Variants in VPS37A observed in about 807,000 individuals in gnomAD.
The protein encoded by VPS37A is vacuolar protein sorting-associated protein 37A.
A neutral mutation model predicts 49.8 loss-of-function variants in VPS37A; 30 were observed. The ratio of observed to expected loss-of-function variants is 0.60; its 90% confidence interval spans 0.45 to 0.82. The LOEUF is 0.82. Among genes scored for constraint, VPS37A ranks in the 40% least tolerant of loss-of-function variants. The pLI is 0.00. For missense variants in VPS37A, 593 were observed against 464.4 expected, an observed-to-expected ratio of 1.28 and a Z score of -2.55; for synonymous variants, 195 against 160.6, an observed-to-expected ratio of 1.21 and a Z score of -1.62.
At chr8:17,285,281 T>C (rs1331349033) in intron 10 of VPS37A, among the ~76,000 whole-genome samples, 6 of 152,180 alleles carry the variant, frequency 3.9e-5, no homozygotes, top group Non-Finnish European at 8.8e-5. Context: ...TATCATTCTG[T>C]AATACAGCTG....
At chr8:17,331,365 C>CA in the VPS37A span, 1 of 1,371,614 alleles carries the variant, frequency 7.3e-7, no homozygotes, top group South Asian at 1.5e-5. Context: ...CATGGATACC[C>CA]AATCAAAGCA....
intron 9 of VPS37A, among the ~76,000 whole-genome samples, chr8:17,281,911 G>C (rs1475864162): frequency 6.6e-6 from 1 of 152,002 alleles, no homozygotes; most frequent in Non-Finnish European, 1.5e-5. Context: ...AGACTATTTA[G>C]AGCAGCATAG....
At chr8:17,321,585 T>A in the VPS37A span, among the ~76,000 whole-genome samples, 2 of 152,232 alleles carry the variant, frequency 1.3e-5, no homozygotes, top group Non-Finnish European at 2.9e-5. Context: ...CCAAAGCGAT[T>A]AGCGCCTGGA....
rs1026112991 is a variant in VPS37A, at chr8:17,282,115, A to T, written c.969+1672A>T. 2.0e-5 allele frequency among the ~76,000 whole-genome samples: 3 copies of T among 152,166 alleles called. No homozygotes were observed. In the Middle Eastern group the frequency reaches 0.01, roughly 518 times the overall value. ...GCTTGAACAAAAAGAAAAAATGAAA[A>T]AAACTCCCTTTCCCAGTATCAGAAT... On this transcript the variant is annotated intron_variant, in intron 9 of 11. Transcript: ENST00000324849.
intron 1 of VPS37A, chr8:17,247,885 GTC>G (rs1811472409): frequency 1.5e-6 from 1 of 653,402 alleles, no homozygotes; most frequent in African/African-American, 1.8e-5. Context: ...GTCTTCTTGA[GTC>G]TCTAAGATTT....
intron 9 of VPS37A, among the ~76,000 whole-genome samples, chr8:17,283,685 G>A (rs779192093): frequency 7.9e-5 from 12 of 152,110 alleles, no homozygotes; most frequent in Non-Finnish European, 1.6e-4. Flanking sequence ...TTTCTGGGCT[G>A]TCTATTCTGT....
At chr8:17,292,375 T>G (rs1214249154) in intron 11 of VPS37A, among the ~76,000 whole-genome samples, 1 of 152,190 alleles carries the variant, frequency 6.6e-6, no homozygotes, top group Non-Finnish European at 1.5e-5. Flanking sequence ...GCACATGAAA[T>G]GGGTTTCCTG....
chr8:17,327,917 C>T, the VPS37A span, among the ~76,000 whole-genome samples: 1 of 152,096 alleles, frequency 6.6e-6, no homozygotes, highest in Admixed American at 6.6e-5. Flanking sequence ...ACAGATAATA[C>T]CACATACTGC....
the VPS37A span, among the ~76,000 whole-genome samples, chr8:17,308,217 T>A: frequency 1.3e-5 from 2 of 152,102 alleles, no homozygotes; most frequent in African/African-American, 2.4e-5. Flanking sequence ...TTTTTCCTTA[T>A]CAAACAATTA....
At chr8:17,258,727 G>A (rs1027362233) in intron 1 of VPS37A, among the ~76,000 whole-genome samples, 1 of 152,056 alleles carries the variant, frequency 6.6e-6, no homozygotes, top group Non-Finnish European at 1.5e-5. Flanking sequence ...GAATTCACCA[G>A]CGAAGCTATC....
At chr8:17,301,653 A>T (rs1193233322), downstream of VPS37A, 1 of 154,446 alleles carries the variant, frequency 6.5e-6, no homozygotes, top group Non-Finnish European at 1.4e-5. Context: ...AAACAAAGTT[A>T]TCCAATTAGG....
At chr8:17,248,177 A>G (rs901552218) in intron 1 of VPS37A, 13 of 372,536 alleles carry the variant, frequency 3.5e-5, no homozygotes, top group African/African-American at 2.6e-4. Context: ...GCTTCTTTAT[A>G]TTTTATGCAT....
chr8:17,260,938 C>T (rs1812908242), intron 1 of VPS37A, among the ~76,000 whole-genome samples: 1 of 152,138 alleles, frequency 6.6e-6, no homozygotes, highest in African/African-American at 2.4e-5. Flanking sequence ...TGATTATATG[C>T]CTAGGAGTAG....
chr8:17,290,151 A>G (rs953904000), intron 11 of VPS37A, among the ~76,000 whole-genome samples: 1 of 152,200 alleles, frequency 6.6e-6, no homozygotes, highest in African/African-American at 2.4e-5. Context: ...GCAAACAGAG[A>G]AAAATTGACT....
intron 6 of VPS37A, among the ~76,000 whole-genome samples, chr8:17,279,528 G>A (rs936829515): frequency 6.6e-6 from 1 of 152,076 alleles, no homozygotes; most frequent in South Asian, 2.1e-4. Flanking sequence ...ATATCAGTAA[G>A]TCTGGTTCCT....
rs768226120 is a variant in VPS37A at position 17,268,345 on chromosome 8, G to T, written c.288G>T (p.Val96=). 9.9e-6 allele frequency: 16 copies of T among 1,611,984 alleles called. No homozygotes were observed. The South Asian group carries it at 1.6e-4, about 17-fold the overall frequency. ...ATCACTTAATGGATAAACAAGGAGT[G>T]TATGTTACCTCTCCATTAGTAAACA... ...IRHHLMDKQG[V]YVTSPLVNNF... is the part of the protein sequence containing the mutation. Residue 96 remains valine, a synonymous_variant, in exon 3 of 12, where the codon GTG becomes GTT. Coordinates refer to ENST00000324849, the MANE Select transcript of VPS37A (RefSeq NM_152415.3).
chr8:17,284,721 C>T (rs769330643), intron 10 of VPS37A, 105 bp downstream of exon 10: 1 of 1,327,782 alleles, frequency 7.5e-7, no homozygotes, highest in Non-Finnish European at 1.0e-6. Context: ...ATGATATCAT[C>T]CCCCTTTTTT....
At chr8:17,328,884 A>C in the VPS37A span, among the ~76,000 whole-genome samples, 2 of 152,220 alleles carry the variant, frequency 1.3e-5, no homozygotes, top group African/African-American at 4.8e-5. Context: ...TACAGATCCC[A>C]CAAAAATAGT....
chr8:17,311,543 CCAG>C, the VPS37A span: 2 of 1,614,062 alleles, frequency 1.2e-6, no homozygotes, highest in East Asian at 2.2e-5. Flanking sequence ...TAGTGAGGGT[CCAG>C]CAGCAGGCTT....
Sources: gnomAD v4.1 joint callset for allele counts (sites outside exome capture counted in the v4.1 genomes callset) on GRCh38, gnomAD v4.1.1 for gene constraint, MANE v1.5 for transcripts, NCBI Gene and HGNC (gene_info 2026-07-23, HGNC 2026-07-21) for gene names.